The following DEPDC1 variants were observed in gnomAD, a reference collection of about 807,000 sequenced individuals.
The protein encoded by DEPDC1 is DEP domain-containing protein 1A.
DEPDC1 carries 66 observed loss-of-function variants against 86.8 expected under a neutral mutation model. The ratio of observed to expected loss-of-function variants is 0.76; its 90% CI spans 0.62 to 0.93. The LOEUF (loss-of-function observed/expected upper bound fraction) is 0.93, where lower values mean the gene tolerates loss of function less well. DEPDC1 is among the 40% of genes least tolerant of loss of function. DEPDC1 has a pLI of 0.00. For synonymous variants in DEPDC1, 255 were observed against 314.9 expected, an observed-to-expected ratio of 0.81 and a Z score of 2.02; for missense variants, 792 against 935.7, an observed-to-expected ratio of 0.85 and a Z score of 2.00.
At chr1:68,490,488 C>T (rs1253214165) in intron 2 of DEPDC1, among the ~76,000 whole-genome samples, 1 of 152,142 alleles carries the variant, frequency 6.6e-6, no homozygotes, top group Non-Finnish European at 1.5e-5. Flanking sequence ...ACATTTTCTT[C>T]ATCCAGTATA....
chr1:68,494,656 G>C lies in DEPDC1; in HGVS notation c.88C>G (p.Leu30Val). The change falls in exon 2 of 12, where the codon CTA (leucine) becomes GTA (valine). Residue 30 changes from leucine to valine, a missense_variant. Coordinates refer to ENST00000456315, the MANE Select transcript of DEPDC1 (RefSeq NM_001114120.3). ...TTAAAGTGTTGTCTGTGTTTTCTTAGAGGCATTCCTGCTCGAAAAGATGTG... is the reference window on the plus strand; with the variant it reads ...TTAAAGTGTTGTCTGTGTTTTCTTACAGGCATTCCTGCTCGAAAAGATGTG... ...VTTSFRAGMPLRKHRQHFKKY... is the reference protein window; with the variant it reads ...VTTSFRAGMPVRKHRQHFKKY... 6.2e-7 allele frequency: 1 copy of C among 1,613,654 alleles called. No individual in the cohort carries two copies. The highest frequency in any genetic ancestry group is 8.5e-7 in the Non-Finnish European group (1 of 1,179,686).
At chr1:68,479,646 A>G (rs771236813) in intron 9 of DEPDC1, among the ~76,000 whole-genome samples, 2 of 151,806 alleles carry the variant, frequency 1.3e-5, no homozygotes, top group Non-Finnish European at 2.9e-5. Context: ...CTATGAAGAA[A>G]TAAAAAACTA....
chr1:68,479,181 G>T lies in DEPDC1; in HGVS notation c.2075C>A (p.Ala692Glu). The T allele has an allele frequency of 6.2e-7, 1 of 1,610,682 alleles. No individual in the cohort carries two copies. Among genetic ancestry groups the T allele is most frequent in the Non-Finnish European group, 8.5e-7 (1 of 1,178,818 alleles). Residue 692 changes from alanine to glutamate, a missense_variant, in exon 10 of 12, where the codon GCA (alanine) becomes GAA (glutamate). By Grantham distance (107) the Ala-to-Glu change is moderately radical. Coordinates refer to ENST00000456315, the MANE Select transcript of DEPDC1 (RefSeq NM_001114120.3). ...TAAGTAGTCAAGATGTTTTTCCACT[G>T]CAGTCTGTAAGTAAGAGGGTACTTG... Reference protein sequence around the residue: ...ILQVPSYLQTAVEKHLDYLKK... With the variant: ...ILQVPSYLQTEVEKHLDYLKK...
In DEPDC1 at chr1:68,482,245, C is replaced by T. The variant is rs1289659659; in HGVS notation, c.1563G>A (p.Arg521=). 6.2e-7 allele frequency: 1 copy of T among 1,612,608 alleles called. No homozygotes were observed. The highest frequency in any genetic ancestry group is 8.5e-7 in the Non-Finnish European group (1 of 1,179,182). The change falls in exon 8 of 12, where the codon AGG becomes AGA. Residue 521 remains arginine (R), a synonymous_variant. Coordinates refer to ENST00000456315, the MANE Select transcript of DEPDC1 (RefSeq NM_001114120.3). ...CCACTGGTGTATTGATATAACTATT[C>T]CTTCTTGTACTACTTCTTAAAAGCA... is the stretch of plus-strand genomic sequence containing the variant. The part of the protein sequence containing the change: ...QSLLLRSSTR[R]NSYINTPVAE...
chr1:68,481,487 T>C lies in DEPDC1; in HGVS notation c.1888A>G (p.Asn630Asp). ...LMRMISRMSQ[N>D]VDMPKLHDAM... ...TCATGAAGTTTGGGCATATCAACAT[T>C]TTGACTCATTCGGGAAATCATACGC... The change falls in exon 9 of 12, where the codon AAT (asparagine) becomes GAT (aspartate). Residue 630 changes from asparagine (N) to aspartate (D), a missense_variant. Transcript: ENST00000456315. 7.4e-6 allele frequency: 12 copies of C among 1,612,508 alleles called. No individual in the cohort carries two copies. Among genetic ancestry groups the C allele is most frequent in the Non-Finnish European group, 1.0e-5 (12 of 1,179,076 alleles).
intron 3 of DEPDC1, 125 bp downstream of exon 3, chr1:68,489,327 G>T: frequency 1.6e-6 from 1 of 621,484 alleles, no homozygotes; most frequent in Non-Finnish European, 2.6e-6. Flanking sequence ...TATTTAGAAT[G>T]TAATGTAGGT....
At chr1:68,493,672 A>C (rs1355463256) in intron 2 of DEPDC1, among the ~76,000 whole-genome samples, 1 of 152,192 alleles carries the variant, frequency 6.6e-6, no homozygotes, top group Non-Finnish European at 1.5e-5. Context: ...GTTATATCTT[A>C]ACTGCTTAAT....
chr1:68,484,897 C>A (rs1195178207), intron 6 of DEPDC1, among the ~76,000 whole-genome samples: 1 of 151,518 alleles, frequency 6.6e-6, no homozygotes, highest in African/African-American at 2.4e-5. Flanking sequence ...GTTTTCCAAA[C>A]ACTAACCTGA....
intron 4 of DEPDC1, 84 bp from the exon 5 acceptor site, chr1:68,488,588 A>G: frequency 8.3e-7 from 1 of 1,211,088 alleles, no homozygotes; most frequent in East Asian, 2.7e-5. Flanking sequence ...AGCCATCAGA[A>G]TATTTTATTT....
chr1:68,495,638 G>A (rs1412940026), intron 1 of DEPDC1, among the ~76,000 whole-genome samples: 1 of 152,152 alleles, frequency 6.6e-6, no homozygotes, highest in East Asian at 1.9e-4. Flanking sequence ...TTACAGAACG[G>A]CTTTCCTGAG....
intron 2 of DEPDC1, among the ~76,000 whole-genome samples, chr1:68,492,635 AGGCAGAAAAGACTAGG>A (rs945549920): frequency 8.5e-5 from 13 of 152,286 alleles, no homozygotes; most frequent in African/African-American, 3.1e-4. Context: ...TGAACCCAGG[AGGCAGAAAAGACTAGG>A]GGCAGAGAGA....
chr1:68,487,037 A>G (rs888059049), intron 5 of DEPDC1, 53 bp from the exon 6 acceptor site: 1 of 1,505,140 alleles, frequency 6.6e-7, no homozygotes, highest in Non-Finnish European at 9.0e-7. Flanking sequence ...TTATGATAGT[A>G]TATTTTAAAA....
chr1:68,489,969 G>A (rs1646218559), intron 2 of DEPDC1, among the ~76,000 whole-genome samples: 1 of 151,660 alleles, frequency 6.6e-6, no homozygotes, highest in African/African-American at 2.4e-5. Flanking sequence ...CCTCATTTCT[G>A]GAACTTAGTT....
At chr1:68,488,674 C>A (rs1256525869) in intron 4 of DEPDC1, among the ~76,000 whole-genome samples, 170 bp from the exon 5 acceptor site, 3 of 151,506 alleles carry the variant, frequency 2.0e-5, no homozygotes, top group African/African-American at 7.3e-5. Context: ...TAAAAGGATT[C>A]CAATATATAT....
At chr1:68,486,032 G>T (rs1187479902) in intron 6 of DEPDC1, among the ~76,000 whole-genome samples, 2 of 152,018 alleles carry the variant, frequency 1.3e-5, no homozygotes, top group East Asian at 1.9e-4. Flanking sequence ...TCATACTAGG[G>T]TTTTATGTTA....
intron 7 of DEPDC1, chr1:68,483,471 A>G (rs996058510): frequency 5.3e-6 from 2 of 376,580 alleles, no homozygotes; most frequent in Non-Finnish European, 1.0e-5. Flanking sequence ...AACAGTGACC[A>G]ATGATTTGGT....
At chr1:68,479,438 A>C (rs1646138842) in intron 9 of DEPDC1, 118 bp from the exon 10 acceptor site, 1 of 687,944 alleles carries the variant, frequency 1.5e-6, no homozygotes, top group African/African-American at 1.9e-5. Context: ...AGCAGCCCTC[A>C]GTTTAAAAAT....
intron 7 of DEPDC1, chr1:68,483,121 C>T (rs1245997919): frequency 1.8e-6 from 1 of 564,978 alleles, no homozygotes; most frequent in African/African-American, 1.9e-5. Flanking sequence ...TGTAATATAA[C>T]TTTAAAAAAT....
chr1:68,479,003 C>T (rs1047855485), intron 10 of DEPDC1, 141 bp downstream of exon 10: 3 of 646,622 alleles, frequency 4.6e-6, no homozygotes, highest in Admixed American at 3.1e-5. Context: ...TATTTGAGTC[C>T]CAGATTCTGT....
Sources: allele counts gnomAD v4.1 joint callset (sites outside exome capture counted in the v4.1 genomes callset), GRCh38; gene constraint gnomAD v4.1.1; transcripts MANE v1.5; gene names NCBI Gene and HGNC (gene_info 2026-07-23, HGNC 2026-07-21).